The following KIAA1328 variants were observed in gnomAD, a reference collection of about 807,000 sequenced individuals.
KIAA1328 encodes the protein protein hinderin.
In KIAA1328, 52 loss-of-function variants were observed where a neutral mutation model predicts 68.1. The ratio of observed to expected loss-of-function variants is 0.76; its 90% CI spans 0.61 to 0.96. The LOEUF is 0.96. Ranked by LOEUF, KIAA1328 falls within the 40% of genes least tolerant of loss-of-function variation. KIAA1328 has a pLI of 0.00. For missense variants in KIAA1328, 641 were observed against 677.6 expected, an observed-to-expected ratio of 0.95 and a Z score of 0.60; for synonymous variants, 232 against 239.4, an observed-to-expected ratio of 0.97 and a Z score of 0.28.
At chr18:36,959,229 A>G in intron 5 of KIAA1328, 79 bp from the exon 6 acceptor site, 1 of 1,332,002 alleles carries the variant, frequency 7.5e-7, no homozygotes, top group Non-Finnish European at 1.0e-6. Flanking sequence ...TGTTTTGTTT[A>G]TTGGAATATG....
Position 37,223,750 on chromosome 18 carries a change from C to G in KIAA1328, c.*1523C>G, listed in dbSNP as rs2060603666. On this transcript the variant is annotated 3_prime_UTR_variant, in exon 10 of 10. Transcript: ENST00000280020. Reference sequence around the variant, plus strand: ...AAGCCTTGTTGAGCAGCCTCCTTATCCAGATAGATCCAAAGCTCATGTCTC... The same window carrying G: ...AAGCCTTGTTGAGCAGCCTCCTTATGCAGATAGATCCAAAGCTCATGTCTC... The G allele has an allele frequency of 3.0e-6, 3 of 985,366 alleles. No individual in the cohort carries two copies. The highest frequency in any genetic ancestry group is 3.6e-6 in the Non-Finnish European group (3 of 829,918). The allele number at this position is 985,366 out of a possible 1,614,324, so 61.0% of individuals were successfully genotyped here. A position where few individuals can be genotyped will look rare whatever the true frequency, so the allele number is the denominator to read the frequency against.
At chr18:36,895,912 T>C in intron 5 of KIAA1328, 1 of 378,734 alleles carries the variant, frequency 2.6e-6, no homozygotes, top group South Asian at 2.0e-5. Flanking sequence ...GGTAGAAGCC[T>C]GAAAGCCAAG....
intron 5 of KIAA1328, among the ~76,000 whole-genome samples, chr18:36,953,607 G>C (rs1415639114): frequency 6.6e-6 from 1 of 152,028 alleles, no homozygotes; most frequent in African/African-American, 2.4e-5. Context: ...GGTTGGACTT[G>C]TGCTTAGTAA....
intron 6 of KIAA1328, among the ~76,000 whole-genome samples, chr18:37,005,692 C>T (rs762347499): frequency 6.6e-5 from 10 of 151,910 alleles, no homozygotes; most frequent in Non-Finnish European, 8.8e-5. Context: ...CAAAGATATT[C>T]GAATCAACTT....
At chr18:37,132,809 T>G (rs890262102) in intron 7 of KIAA1328, among the ~76,000 whole-genome samples, 1 of 152,218 alleles carries the variant, frequency 6.6e-6, no homozygotes, top group Non-Finnish European at 1.5e-5. Flanking sequence ...ATAGCAACTT[T>G]ATTTGCAGTA....
At chr18:37,034,275 G>A (rs910726098) in intron 6 of KIAA1328, among the ~76,000 whole-genome samples, 2 of 152,064 alleles carry the variant, frequency 1.3e-5, no homozygotes. Flanking sequence ...AACCTCCTGG[G>A]CCAAAAAGTA....
chr18:37,076,401 C>A (rs1303300309), intron 7 of KIAA1328, among the ~76,000 whole-genome samples: 2 of 151,858 alleles, frequency 1.3e-5, no homozygotes, highest in African/African-American at 4.8e-5. Context: ...AAAATTGACA[C>A]CCTAACATCC....
intron 7 of KIAA1328, among the ~76,000 whole-genome samples, chr18:37,159,627 T>C (rs17568091): frequency 0.14 from 20,766 of 152,202 alleles, 1,751 homozygotes; most frequent in Admixed American, 0.18. Flanking sequence ...TGTACATGTG[T>C]TCATTTTCAT....
intron 7 of KIAA1328, among the ~76,000 whole-genome samples, chr18:37,155,278 A>C (rs570043517): frequency 6.6e-6 from 1 of 152,170 alleles, no homozygotes; most frequent in South Asian, 2.1e-4. Flanking sequence ...ACCACCTCTA[A>C]ACTCACTTAG....
intron 4 of KIAA1328, among the ~76,000 whole-genome samples, chr18:36,871,547 C>T (rs2047944972): frequency 6.6e-6 from 1 of 151,730 alleles, no homozygotes; most frequent in South Asian, 2.1e-4. Flanking sequence ...TTGTTCCAGC[C>T]TTGGAAATAA....
chr18:36,971,844 G>A (rs1403448356), intron 6 of KIAA1328, among the ~76,000 whole-genome samples: 1 of 152,078 alleles, frequency 6.6e-6, no homozygotes, highest in East Asian at 1.9e-4. Flanking sequence ...AACAGACACT[G>A]AAGCCTACTA....
chr18:36,931,796 T>C (rs1177400218), intron 5 of KIAA1328, among the ~76,000 whole-genome samples: 1 of 151,056 alleles, frequency 6.6e-6, no homozygotes, highest in Non-Finnish European at 1.5e-5. Context: ...TATACTGTGA[T>C]GCAAATTTTT....
At chr18:37,231,122 T>C (rs776838056), downstream of KIAA1328, 6 of 152,282 alleles carry the variant, frequency 3.9e-5, no homozygotes, top group Non-Finnish European at 7.3e-5. Flanking sequence ...CATTATATAC[T>C]CTTGGCTCCC....
intron 5 of KIAA1328, among the ~76,000 whole-genome samples, chr18:36,953,829 A>T (rs1320262172): frequency 6.6e-6 from 1 of 151,984 alleles, no homozygotes; most frequent in Non-Finnish European, 1.5e-5. Flanking sequence ...CTCCCTGAAC[A>T]AGGATTCAGT....
At chr18:37,124,928 G>GA (rs1326108070) in intron 7 of KIAA1328, among the ~76,000 whole-genome samples, 14 of 152,124 alleles carry the variant, frequency 9.2e-5, no homozygotes, top group African/African-American at 3.1e-4. Context: ...ACAGTGGCAG[G>GA]AAAAATGGCA....
downstream of KIAA1328, among the ~76,000 whole-genome samples, chr18:37,226,533 AT>A (rs2060638813): frequency 6.6e-6 from 1 of 151,926 alleles, no homozygotes; most frequent in Non-Finnish European, 1.5e-5. Context: ...GACATGTCAT[AT>A]TAATGAAATC....
At chr18:36,876,902 C>G (rs1452678616) in intron 4 of KIAA1328, among the ~76,000 whole-genome samples, 1 of 152,138 alleles carries the variant, frequency 6.6e-6, no homozygotes, top group African/African-American at 2.4e-5. Flanking sequence ...TTTCAAATAA[C>G]TTATTTATTT....
chr18:36,893,684 G>A (rs979532120), intron 5 of KIAA1328, among the ~76,000 whole-genome samples: 2 of 151,978 alleles, frequency 1.3e-5, no homozygotes, highest in Non-Finnish European at 2.9e-5. Context: ...TTACTATTTG[G>A]TGTCTAGTTT....
chr18:37,149,279 C>G (rs938577093), intron 7 of KIAA1328, among the ~76,000 whole-genome samples: 1 of 152,118 alleles, frequency 6.6e-6, no homozygotes. Context: ...ACCACCTGAT[C>G]TTCGACAACC....
Sources: gnomAD v4.1 joint callset for allele counts (sites outside exome capture counted in the v4.1 genomes callset) on GRCh38, gnomAD v4.1.1 for gene constraint, MANE v1.5 for transcripts, NCBI Gene and HGNC (gene_info 2026-07-23, HGNC 2026-07-21) for gene names.